Variants in GABRR2 observed in about 807,000 individuals in gnomAD.
GABRR2 encodes the protein gamma-aminobutyric acid type A receptor subunit rho2, also known as gamma-aminobutyric acid receptor subunit rho-2.
In GABRR2, 36 loss-of-function variants were observed where a neutral mutation model predicts 47.0. The ratio of observed to expected loss-of-function variants is 0.77; its 90% CI spans 0.59 to 1.01. The LOEUF (loss-of-function observed/expected upper bound fraction) is 1.01. GABRR2 is among the 50% of genes least tolerant of loss of function. The pLI is 0.00. For synonymous variants in GABRR2, 204 were observed against 227.5 expected (o/e 0.90, Z 0.93); for missense variants, 587 against 594.6 (o/e 0.99, Z 0.13).
chr6:89,281,353 A>G (rs1480997343), intron 2 of GABRR2, among the ~76,000 whole-genome samples: 2 of 150,370 alleles, frequency 1.3e-5, no homozygotes, highest in Non-Finnish European at 2.9e-5. Flanking sequence ...AAGGCATTGG[A>G]GAACATTTCA....
chr6:89,267,922 G>C (rs765660010), intron 5 of GABRR2, 92 bp downstream of exon 5: 16 of 1,566,996 alleles, frequency 1.0e-5, no homozygotes, highest in Admixed American at 1.7e-5. Flanking sequence ...AGGTCTTAAC[G>C]CTGGCGGGCA....
intron 2 of GABRR2, among the ~76,000 whole-genome samples, chr6:89,291,607 C>T (rs1445975226): frequency 6.6e-6 from 1 of 152,102 alleles, no homozygotes; most frequent in Non-Finnish European, 1.5e-5. Context: ...ACTGGGTATC[C>T]TTCCAGATTC....
At chr6:89,289,158 C>T (rs926831837) in intron 2 of GABRR2, among the ~76,000 whole-genome samples, 18 of 152,124 alleles carry the variant, frequency 1.2e-4, no homozygotes, top group East Asian at 7.7e-4. Flanking sequence ...AACAAATGCT[C>T]GCAGGCAGAA....
At chr6:89,271,136 G>A (rs1235871450) in intron 3 of GABRR2, among the ~76,000 whole-genome samples, 1 of 152,120 alleles carries the variant, frequency 6.6e-6, no homozygotes, top group African/African-American at 2.4e-5. Flanking sequence ...TACAGAAGAA[G>A]GAAGAGAGGA....
chr6:89,315,224 C>G lies in GABRR2; in HGVS notation c.-59G>C. 2 of 1,610,282 alleles carry G rather than the reference C, an allele frequency of 1.2e-6. No individual in the cohort carries two copies. The highest frequency in any genetic ancestry group is 1.7e-6 in the Non-Finnish European group (2 of 1,177,812). On this transcript the variant is annotated 5_prime_UTR_variant, in exon 1 of 9. Transcript: ENST00000402938. ...CCAGTAGCCTGTGGCAGAGCAAATC[C>G]CCCCTGGCTTGACCATTGATCCATC...
chr6:89,267,546 G>T, intron 6 of GABRR2, 133 bp downstream of exon 6: 1 of 866,510 alleles, frequency 1.2e-6, no homozygotes, highest in Non-Finnish European at 1.7e-6. Context: ...CAGCTTGGGA[G>T]ACAGAGTGAG....
At chr6:89,293,226 T>C (rs1774500452) in intron 2 of GABRR2, among the ~76,000 whole-genome samples, 2 of 152,150 alleles carry the variant, frequency 1.3e-5, no homozygotes, top group Admixed American at 6.5e-5. Context: ...ATAATTCCTA[T>C]ATGATGTTGT....
At chr6:89,260,265 T>G (rs937715115) in intron 8 of GABRR2, among the ~76,000 whole-genome samples, 1 of 152,188 alleles carries the variant, frequency 6.6e-6, no homozygotes, top group Admixed American at 6.5e-5. Context: ...TTGTGTGATA[T>G]TATCATTGGG....
At chr6:89,307,487 G>C (rs1767588825) in intron 1 of GABRR2, among the ~76,000 whole-genome samples, 1 of 152,208 alleles carries the variant, frequency 6.6e-6, no homozygotes, top group Admixed American at 6.5e-5. Context: ...GGTTGGGATG[G>C]AGGTCTCAGC....
chr6:89,287,832 T>A (rs1425589135), intron 2 of GABRR2, among the ~76,000 whole-genome samples: 1 of 152,224 alleles, frequency 6.6e-6, no homozygotes, highest in Non-Finnish European at 1.5e-5. Context: ...ACTGAGCACT[T>A]CCTATATGCC....
intron 2 of GABRR2, among the ~76,000 whole-genome samples, chr6:89,293,389 G>A (rs1378774681): frequency 6.6e-6 from 1 of 152,152 alleles, no homozygotes; most frequent in African/African-American, 2.4e-5. Flanking sequence ...CGATAGTTGT[G>A]TAACAATGTG....
Position 89,265,697 on chromosome 6 carries a change from A to AT in GABRR2, c.804dup (p.Tyr269IlefsTer115). ...ATGACCATCAGAGTGGCAGGGAAAT[A>AT]TGTTTGGAGCAAGAAGAAGAAGATG... On this transcript the variant is annotated frameshift_variant, in exon 7 of 9. Coordinates refer to ENST00000402938, the MANE Select transcript of GABRR2 (RefSeq NM_002043.5). LOFTEE classifies it high-confidence loss of function. The AT allele has an allele frequency of 6.2e-7, 1 of 1,614,144 alleles. No individual in the cohort carries two copies. Among genetic ancestry groups the AT allele is most frequent in the Non-Finnish European group, 8.5e-7 (1 of 1,180,020 alleles).
At position 89,270,669 on chromosome 6, in the gene GABRR2, C is replaced by A. The variant is rs186399060; in HGVS notation, c.288+986G>T. ...CATATCAGCTCTGCCATGCTGGGTC[C>A]GTTAGGAGCAAGGGGCGTTCCCACT... On this transcript the variant is annotated intron_variant, in intron 3 of 8. Transcript: ENST00000402938. Among the ~76,000 whole-genome samples, 441 of 152,280 alleles carry A rather than the reference C, an allele frequency of 2.9e-3. 2 individuals are homozygous for A. The highest frequency in any genetic ancestry group is 0.01 in the African/African-American group (431 of 41,540).
intron 4 of GABRR2, among the ~76,000 whole-genome samples, chr6:89,268,334 C>A (rs960588706): frequency 3.3e-5 from 5 of 152,282 alleles, no homozygotes; most frequent in African/African-American, 1.2e-4. Flanking sequence ...TCCCCAGCCA[C>A]TGGTGGTGCT....
chr6:89,273,936 G>A (rs930564744), intron 2 of GABRR2, among the ~76,000 whole-genome samples: 4 of 152,210 alleles, frequency 2.6e-5, no homozygotes, highest in East Asian at 1.9e-4. Context: ...CCCAAGAGCC[G>A]CAGGGAAGAA....
rs190613063 is a variant in GABRR2, at chr6:89,297,587, G to A, written c.220+2172C>T. ...GTGGTAGTTGTGGCTGGGCACAGTGGCACACGCCTGTAATCCCAGCACTTT... is the reference window on the plus strand; with the variant it reads ...GTGGTAGTTGTGGCTGGGCACAGTGACACACGCCTGTAATCCCAGCACTTT... On this transcript the variant is annotated intron_variant, in intron 2 of 8. Transcript: ENST00000402938. Among the ~76,000 whole-genome samples the A allele has an allele frequency of 8.5e-5, 13 of 152,312 alleles. No individual in the cohort carries two copies. In the East Asian group the frequency reaches 2.5e-3, roughly 29 times the overall value.
chr6:89,292,377 TATCAGATATATATCGTATCTCTG>T (rs1562378913), intron 2 of GABRR2, among the ~76,000 whole-genome samples: 13 of 57,078 alleles, frequency 2.3e-4, no homozygotes, highest in South Asian at 6.2e-4. Flanking sequence ...TATATATATA[TATCAGATATATATCGTATCTCTG>T]ATATATATAT....
At chr6:89,291,126 A>G (rs977785549) in intron 2 of GABRR2, among the ~76,000 whole-genome samples, 1 of 152,038 alleles carries the variant, frequency 6.6e-6, no homozygotes, top group Non-Finnish European at 1.5e-5. Context: ...CACACTCAGG[A>G]GGTGCCCTAG....
At chr6:89,277,649 A>G (rs867068877) in intron 2 of GABRR2, among the ~76,000 whole-genome samples, 10 of 150,844 alleles carry the variant, frequency 6.6e-5, no homozygotes, top group African/African-American at 1.2e-4. Context: ...CTAAAATCTA[A>G]AAAAAAAAGA....
Sources: allele counts gnomAD v4.1 joint callset (sites outside exome capture counted in the v4.1 genomes callset), GRCh38; gene constraint gnomAD v4.1.1; transcripts MANE v1.5; gene names NCBI Gene and HGNC (gene_info 2026-07-23, HGNC 2026-07-21).